The following RYR3 variants were observed in gnomAD, a reference collection of about 807,000 sequenced individuals.
RYR3 encodes the protein ryanodine receptor 3, also known as brain ryanodine receptor-calcium release channel.
A neutral mutation model predicts 584.3 loss-of-function variants in RYR3; 207 were observed. The observed-to-expected ratio is 0.35, with a 90% confidence interval of 0.32 to 0.40. The LOEUF is 0.40. Ranked by LOEUF, RYR3 falls within the 10% of genes least tolerant of loss-of-function variation. The pLI is 1.00. For missense variants in RYR3, 5,616 were observed against 6,089.2 expected (o/e 0.92, Z 2.59); for synonymous variants, 2,416 against 2,248.5 (o/e 1.07, Z -2.11).
rs770558748 is a variant in RYR3 at position 33,837,910 on chromosome 15, T to C, written c.11930T>C (p.Val3977Ala). The C allele has an allele frequency of 1.9e-6, 3 of 1,613,996 alleles. No individual in the cohort carries two copies. The highest frequency in any genetic ancestry group is 1.7e-6 in the Non-Finnish European group (2 of 1,179,882). The change falls in exon 89 of 104, where the codon GTT becomes GCT. Residue 3977 changes from valine to alanine, a missense_variant. Physicochemically the swap from Val to Ala is moderately conservative, Grantham distance 64 (BLOSUM62 0). Coordinates refer to ENST00000634891, the MANE Select transcript of RYR3 (RefSeq NM_001036.6). ...GATGAGAATGACATGTTTAATTACG[T>C]TGATTTTGTAGACCGGTTCCATGAG... ...EADENDMFNY[V>A]DFVDRFHEPA...
chr15:33,321,539 T>C (rs906632183), intron 1 of RYR3, among the ~76,000 whole-genome samples: 10 of 152,316 alleles, frequency 6.6e-5, no homozygotes, highest in Non-Finnish European at 5.9e-5. Context: ...GCTAAAATGC[T>C]CTGCTCCTTA....
intron 40 of RYR3, among the ~76,000 whole-genome samples, chr15:33,698,511 A>T (rs1164612402): frequency 6.6e-6 from 1 of 152,146 alleles, no homozygotes; most frequent in Non-Finnish European, 1.5e-5. Flanking sequence ...AGTTGTGGGG[A>T]TAGGACACAA....
intron 1 of RYR3, among the ~76,000 whole-genome samples, chr15:33,327,444 C>G (rs1252885410): frequency 2.0e-5 from 3 of 152,214 alleles, no homozygotes; most frequent in Admixed American, 6.5e-5. Context: ...TACCCTCGCT[C>G]TGGCCCTTTG....
At chr15:33,456,884 T>C (rs2047605951) in intron 1 of RYR3, among the ~76,000 whole-genome samples, 1 of 152,234 alleles carries the variant, frequency 6.6e-6, no homozygotes, top group South Asian at 2.1e-4. Flanking sequence ...TGAATATTGG[T>C]GTTTAATTCT....
At chr15:33,514,930 G>A (rs532477946) in intron 3 of RYR3, among the ~76,000 whole-genome samples, 1 of 152,092 alleles carries the variant, frequency 6.6e-6, no homozygotes, top group Non-Finnish European at 1.5e-5. Context: ...CGTGAACCCG[G>A]GAGGCGGAGC....
At chr15:33,731,720 T>G (rs781610005) in intron 48 of RYR3, 26 bp downstream of exon 48, 8 of 1,452,688 alleles carry the variant, frequency 5.5e-6, no homozygotes, top group Middle Eastern at 1.7e-4. Flanking sequence ...ATGTTGTTAC[T>G]TCTGTGTATG....
chr15:33,785,603 G>A (rs2152907933), intron 65 of RYR3, 59 bp from the exon 66 acceptor site: 1 of 1,348,312 alleles, frequency 7.4e-7, no homozygotes, highest in South Asian at 1.5e-5. Flanking sequence ...GCAGAGAGAA[G>A]GAAGCTTGCA....
chr15:33,651,795 C>G (rs1009178129), intron 31 of RYR3, among the ~76,000 whole-genome samples: 3 of 152,190 alleles, frequency 2.0e-5, no homozygotes, highest in African/African-American at 7.2e-5. Context: ...TAGCATCACC[C>G]TTTTATTTAA....
chr15:33,399,269 G>A (rs534337894), intron 1 of RYR3, among the ~76,000 whole-genome samples: 7 of 152,222 alleles, frequency 4.6e-5, no homozygotes, highest in South Asian at 2.1e-4. Context: ...CATTTATAGC[G>A]CTATTAAGTT....
At chr15:33,501,738 A>G (rs1209840455) in intron 2 of RYR3, among the ~76,000 whole-genome samples, 1 of 152,202 alleles carries the variant, frequency 6.6e-6, no homozygotes, top group Admixed American at 6.5e-5. Flanking sequence ...TCTTAAGGAA[A>G]TGCTTTATCA....
At chr15:33,685,471 A>T (rs12914622) in intron 38 of RYR3, among the ~76,000 whole-genome samples, 63,456 of 151,844 alleles carry the variant, frequency 0.42, 15,462 homozygotes, top group East Asian at 0.64. Flanking sequence ...CTACAAAGAG[A>T]CTTAGACTCC....
chr15:33,811,272 G>A (rs1268975701), intron 72 of RYR3, among the ~76,000 whole-genome samples: 1 of 152,168 alleles, frequency 6.6e-6, no homozygotes, highest in South Asian at 2.1e-4. Flanking sequence ...TTGGGAGGCC[G>A]AGGTGGGCGG....
chr15:33,365,808 C>T (rs542012178), intron 1 of RYR3, among the ~76,000 whole-genome samples: 24 of 152,260 alleles, frequency 1.6e-4, no homozygotes, highest in African/African-American at 5.5e-4. Flanking sequence ...CTGATGTACA[C>T]TTAGACCCAA....
At chr15:33,591,151 A>G (rs1419363156) in intron 16 of RYR3, among the ~76,000 whole-genome samples, 2 of 152,178 alleles carry the variant, frequency 1.3e-5, no homozygotes, top group African/African-American at 4.8e-5. Flanking sequence ...AGGACTCATC[A>G]AAATTCTTCT....
intron 93 of RYR3, chr15:33,847,700 T>C (rs1380186102): frequency 6.6e-6 from 1 of 152,396 alleles, no homozygotes; most frequent in Non-Finnish European, 1.5e-5. Context: ...TAGAGAGTGA[T>C]AGTAGGAAAC....
intron 28 of RYR3, among the ~76,000 whole-genome samples, chr15:33,644,999 G>C (rs1396835529): frequency 1.3e-5 from 2 of 151,876 alleles, no homozygotes; most frequent in African/African-American, 2.4e-5. Flanking sequence ...GTGACAGAGA[G>C]AGACCTCGTC....
chr15:33,664,595 A>ATATG (rs1555399487), intron 36 of RYR3, among the ~76,000 whole-genome samples: 1 of 123,860 alleles, frequency 8.1e-6, no homozygotes, highest in Non-Finnish European at 1.6e-5. Context: ...GTGTGTATAT[A>ATATG]TATATATATA....
intron 1 of RYR3, among the ~76,000 whole-genome samples, chr15:33,320,263 T>C (rs1196035554): frequency 2.6e-5 from 4 of 152,184 alleles, no homozygotes; most frequent in African/African-American, 9.7e-5. Context: ...AAAAGAGAGA[T>C]TGGCAGGCAG....
chr15:33,492,974 A>T (rs1005320478), intron 2 of RYR3, among the ~76,000 whole-genome samples: 9 of 152,134 alleles, frequency 5.9e-5, no homozygotes, highest in Admixed American at 4.6e-4. Context: ...ATTCTGTAGC[A>T]ACTATATCAT....
Sources: gnomAD v4.1 joint callset for allele counts (sites outside exome capture counted in the v4.1 genomes callset) on GRCh38, gnomAD v4.1.1 for gene constraint, MANE v1.5 for transcripts, NCBI Gene and HGNC (gene_info 2026-07-23, HGNC 2026-07-21) for gene names.